SLFN12L: variants seen among roughly 807,000 people sequenced by gnomAD.
SLFN12L encodes the protein schlafen family member 12 like.
A neutral mutation model predicts 34.8 loss-of-function variants in SLFN12L; 34 were observed. The observed-to-expected ratio is 0.98, with a 90% CI of 0.74 to 1.30. The LOEUF (loss-of-function observed/expected upper bound fraction) is 1.30, where lower values mean the gene tolerates loss of function less well. Among genes scored for constraint, SLFN12L ranks in the 50% most tolerant of loss-of-function variants. The pLI is 0.00. For synonymous variants in SLFN12L, 259 were observed against 247.5 expected, an observed-to-expected ratio of 1.05 and a Z score of -0.44; for missense variants, 703 against 696.2, an observed-to-expected ratio of 1.01 and a Z score of -0.11.
chr17:35,530,429 G>GGAA (rs1491583109), intron 1 of SLFN12L, among the ~76,000 whole-genome samples: 195 of 8,798 alleles, frequency 0.022, 23 homozygotes, highest in African/African-American at 0.044. Flanking sequence ...AAGGAAGGAA[G>GGAA]GGAAGGGAAG....
chr17:35,480,325 ACTAATTTCTAAC>A, intron 2 of SLFN12L, 130 bp from the exon 3 acceptor site: 2 of 614,880 alleles, frequency 3.3e-6, no homozygotes. Flanking sequence ...GTCTGAGATA[ACTAATTTCTAAC>A]AAATTTTGAG....
intron 2 of SLFN12L, among the ~76,000 whole-genome samples, chr17:35,502,575 T>C (rs1378075316): frequency 1.3e-5 from 2 of 151,560 alleles, no homozygotes; most frequent in Non-Finnish European, 2.9e-5. Flanking sequence ...GGATGATAGA[T>C]GGTTCCTCCC....
intron 2 of SLFN12L, chr17:35,487,733 G>T (rs1198192314): frequency 6.5e-7 from 1 of 1,535,968 alleles, no homozygotes; most frequent in Admixed American, 2.0e-5. Flanking sequence ...AACCTGGCGA[G>T]GTCCATGTCT....
In SLFN12L at chr17:35,471,368, C is replaced by T. The variant is rs1913805801; in HGVS notation, c.*3555G>A. Among the ~76,000 whole-genome samples the T allele has an allele frequency of 6.6e-6, 1 of 152,096 alleles. No individual in the cohort carries two copies. Among genetic ancestry groups the T allele is most frequent in the Non-Finnish European group, 1.5e-5 (1 of 68,022 alleles). On this transcript the variant is annotated 3_prime_UTR_variant, in exon 5 of 5. Coordinates refer to ENST00000628453, the MANE Select transcript of SLFN12L (RefSeq NM_001363830.2). ...GCCAGGCTGGTCTCAAACTCCTGGC[C>T]TCAGGTGATCCACCCGCCTCAGCCT...
chr17:35,528,704 A>G (rs532393059), intron 1 of SLFN12L, among the ~76,000 whole-genome samples: 1 of 152,252 alleles, frequency 6.6e-6, no homozygotes, highest in Non-Finnish European at 1.5e-5. Context: ...AAGATGGATT[A>G]AAGACTTAAA....
chr17:35,475,376 C>T lies in SLFN12L; in HGVS notation c.1386G>A (p.Lys462=). 1 of 1,614,172 alleles carries T rather than the reference C, an allele frequency of 6.2e-7. No homozygotes were observed. The highest frequency in any genetic ancestry group is 8.5e-7 in the Non-Finnish European group (1 of 1,180,020). ...AGCTCCTAGAGAAGATCAGTGAGCC[C>T]TTATTGACAGAGCCCATTTCTTCAC... The part of the protein sequence containing the change: ...LICEEMGSVN[K]GSLIFSRSWS... Residue 462 remains lysine, a synonymous_variant, in exon 5 of 5, where the codon AAG becomes AAA. Coordinates refer to ENST00000628453, the MANE Select transcript of SLFN12L (RefSeq NM_001363830.2).
Position 35,479,854 on chromosome 17 carries a change from T to C in SLFN12L, c.428A>G (p.Asn143Ser). 4 of 1,607,052 alleles carry C rather than the reference T, an allele frequency of 2.5e-6. No homozygotes were observed. Among genetic ancestry groups the C allele is most frequent in the Non-Finnish European group, 3.4e-6 (4 of 1,176,016 alleles). ...PNFLDFMQNGNYFHIFVKSWS... is the reference protein window; with the variant it reads ...PNFLDFMQNGSYFHIFVKSWS... Reference sequence around the variant, plus strand: ...TGATTTCACAAAAATGTGAAAGTAGTTACCATTCTGCATGAAGTCCAGGAA... The same window carrying C: ...TGATTTCACAAAAATGTGAAAGTAGCTACCATTCTGCATGAAGTCCAGGAA... Residue 143 changes from asparagine to serine, a missense_variant, in exon 3 of 5, where the codon AAC becomes AGC. Coordinates refer to ENST00000628453, the MANE Select transcript of SLFN12L (RefSeq NM_001363830.2).
rs1422681610 is a variant in SLFN12L at position 35,537,626 on chromosome 17, C to G, written c.-659G>C. On this transcript the variant is annotated 5_prime_UTR_variant, in exon 1 of 5. Coordinates refer to ENST00000628453, the MANE Select transcript of SLFN12L (RefSeq NM_001363830.2). ...GAGATGCTGAAAAGATGAGAAAGTT[C>G]CAGGAGCTCTGATCTACTTAGGAGT... is the stretch of plus-strand genomic sequence containing the variant. 1 of 152,212 alleles carries G rather than the reference C, an allele frequency of 6.6e-6. No homozygotes were observed. 9.4% of individuals were successfully genotyped at this position (152,212 alleles called of 1,614,324 possible). A position where few individuals can be genotyped will look rare whatever the true frequency, so the allele number is the denominator to read the frequency against.
At chr17:35,481,105 C>G (rs1914318570) in intron 2 of SLFN12L, among the ~76,000 whole-genome samples, 2 of 152,224 alleles carry the variant, frequency 1.3e-5, no homozygotes, top group South Asian at 4.1e-4. Flanking sequence ...CTTTGTTACG[C>G]CCGGACAGGG....
At position 35,479,549 on chromosome 17, in the gene SLFN12L, G is replaced by A. The variant is rs1217287532; in HGVS notation, c.733C>T (p.His245Tyr). The change falls in exon 3 of 5, where the codon CAC (histidine) becomes TAC (tyrosine). Residue 245 changes from histidine (H) to tyrosine (Y), a missense_variant. Coordinates refer to ENST00000628453, the MANE Select transcript of SLFN12L (RefSeq NM_001363830.2). ...KEKLTFTEST[H>Y]VEIKNFSTEK... ...GTCGAGAAGTTTTTTATTTCAACGTGTGTGGATTCAGTAAAGGTCAATTTT... is the reference window on the plus strand; with the variant it reads ...GTCGAGAAGTTTTTTATTTCAACGTATGTGGATTCAGTAAAGGTCAATTTT... The A allele has an allele frequency of 1.9e-6, 3 of 1,614,154 alleles. No individual in the cohort carries two copies. The highest frequency in any genetic ancestry group is 2.5e-6 in the Non-Finnish European group (3 of 1,180,026).
chr17:35,534,508 A>G (rs570806986), intron 1 of SLFN12L, among the ~76,000 whole-genome samples: 1 of 152,220 alleles, frequency 6.6e-6, no homozygotes, highest in South Asian at 2.1e-4. Flanking sequence ...TCAGCAGCCC[A>G]AATGAGAACA....
intron 2 of SLFN12L, among the ~76,000 whole-genome samples, chr17:35,493,625 T>C (rs769836801): frequency 1.6e-4 from 24 of 152,260 alleles, no homozygotes; most frequent in Non-Finnish European, 2.8e-4. Context: ...GTATTTTGTT[T>C]GCATCAAGTA....
intron 2 of SLFN12L, among the ~76,000 whole-genome samples, chr17:35,501,056 T>A (rs984067219): frequency 6.6e-6 from 1 of 152,356 alleles, no homozygotes; most frequent in Admixed American, 6.5e-5. Flanking sequence ...TTTGTCTGTG[T>A]CTTGTCCTAC....
intron 2 of SLFN12L, chr17:35,515,218 G>C (rs1415987569): frequency 2.2e-5 from 12 of 552,970 alleles, no homozygotes; most frequent in South Asian, 1.7e-4. Flanking sequence ...TGTGGACTGC[G>C]GCGGTGGGGG....
intron 2 of SLFN12L, chr17:35,489,948 C>G (rs1306348780): frequency 1.5e-6 from 2 of 1,341,154 alleles, no homozygotes; most frequent in Non-Finnish European, 2.1e-6. Context: ...AATCCCACAA[C>G]CAGTCATGAT....
rs925480147 is a variant in SLFN12L, at chr17:35,469,273, G to A, written c.*5650C>T. Among the ~76,000 whole-genome samples, 2 of 141,524 alleles carry A rather than the reference G, an allele frequency of 1.4e-5. No homozygotes were observed. Among genetic ancestry groups the A allele is most frequent in the African/African-American group, 5.3e-5 (2 of 38,010 alleles). 92.8% of individuals were successfully genotyped at this position (141,524 alleles called of 152,430 possible). ...CTATCCCCCAACAACCTGACTGCAGGACCTGTTTTATATAAAATATATATA... is the reference window on the plus strand; with the variant it reads ...CTATCCCCCAACAACCTGACTGCAGAACCTGTTTTATATAAAATATATATA... On this transcript the variant is annotated 3_prime_UTR_variant, in exon 5 of 5. Coordinates refer to ENST00000628453, the MANE Select transcript of SLFN12L (RefSeq NM_001363830.2).
At position 35,480,211 on chromosome 17, in the gene SLFN12L, G is replaced by A. The variant is rs559139605; in HGVS notation, c.87-16C>T. ...AAATTCTTTTCTGTAAAATAGAGCC[G>A]TTAGAATAGGAGTTAAGCCTGAGAG... On this transcript the variant is annotated splice_polypyrimidine_tract_variant and intron_variant, in intron 2 of 4. Transcript: ENST00000628453. 1.7e-5 allele frequency: 26 copies of A among 1,531,782 alleles called. No individual in the cohort carries two copies. The highest frequency in any genetic ancestry group is 6.5e-5 in the Admixed American group (3 of 46,450). The allele number at this position is 1,531,782 out of a possible 1,614,324, so 94.9% of individuals were successfully genotyped here.
chr17:35,486,553 C>T (rs1186467003), intron 2 of SLFN12L, among the ~76,000 whole-genome samples: 1 of 152,066 alleles, frequency 6.6e-6, no homozygotes, highest in Non-Finnish European at 1.5e-5. Context: ...GGTTCAAAAC[C>T]TCAGGCTTCA....
chr17:35,515,580 C>T (rs528971046), intron 2 of SLFN12L, among the ~76,000 whole-genome samples: 5 of 151,444 alleles, frequency 3.3e-5, no homozygotes, highest in South Asian at 2.1e-4. Flanking sequence ...GCCATCCTTT[C>T]GCCTCAGCCT....
Sources: gnomAD v4.1 joint callset for allele counts (sites outside exome capture counted in the v4.1 genomes callset) on GRCh38, gnomAD v4.1.1 for gene constraint, MANE v1.5 for transcripts, NCBI Gene and HGNC (gene_info 2026-07-23, HGNC 2026-07-21) for gene names.